Variants in PLEKHG1 observed in about 807,000 individuals in gnomAD.
PLEKHG1 encodes pleckstrin homology and RhoGEF domain containing G1.
Under a neutral mutation model 100.8 loss-of-function variants are expected in PLEKHG1, and 44 were observed. The observed-to-expected ratio is 0.44, with a 90% confidence interval of 0.34 to 0.56. The LOEUF (loss-of-function observed/expected upper bound fraction) is 0.56. PLEKHG1 is among the 20% of genes least tolerant of loss of function. The pLI, the probability that PLEKHG1 is intolerant of heterozygous loss-of-function variation, is 0.01. For synonymous variants in PLEKHG1, 640 were observed against 662.5 expected, an observed-to-expected ratio of 0.97 and a Z score of 0.52; for missense variants, 1,545 against 1,720.9, an observed-to-expected ratio of 0.90 and a Z score of 1.81.
At chr6:150,722,427 C>T (rs1766695191) in intron 1 of PLEKHG1, among the ~76,000 whole-genome samples, 1 of 146,286 alleles carries the variant, frequency 6.8e-6, no homozygotes, top group African/African-American at 2.6e-5. Context: ...GATCTTGGCT[C>T]ACTGCAACCT....
At chr6:150,697,387 T>G (rs1582958927) in intron 3 of PLEKHG1, among the ~76,000 whole-genome samples, 1 of 152,296 alleles carries the variant, frequency 6.6e-6, no homozygotes, top group South Asian at 2.1e-4. Context: ...CTCTTGAAGC[T>G]TCCTTGGAAT....
chr6:150,711,778 T>C (rs1165357025), intron 3 of PLEKHG1, among the ~76,000 whole-genome samples: 1 of 152,206 alleles, frequency 6.6e-6, no homozygotes, highest in East Asian at 1.9e-4. Context: ...TCAATAAATA[T>C]TAAGTAATTG....
At chr6:150,706,244 T>G in intron 3 of PLEKHG1, among the ~76,000 whole-genome samples, 1 of 152,158 alleles carries the variant, frequency 6.6e-6, no homozygotes. Context: ...AACCCCTGAG[T>G]CTCGCCAGCG....
chr6:150,659,812 G>C (rs1010549307), intron 3 of PLEKHG1, among the ~76,000 whole-genome samples: 3 of 152,080 alleles, frequency 2.0e-5, no homozygotes, highest in African/African-American at 7.2e-5. Context: ...CTTCAAATAC[G>C]TACTTGGTTG....
At chr6:150,797,184 G>T (rs1486229128) in intron 5 of PLEKHG1, among the ~76,000 whole-genome samples, 2 of 152,120 alleles carry the variant, frequency 1.3e-5, no homozygotes, top group Non-Finnish European at 2.9e-5. Flanking sequence ...GAAGAAGAGA[G>T]CTAGGGAGAC....
chr6:150,635,667 C>G (rs919499270), intron 1 of PLEKHG1, among the ~76,000 whole-genome samples: 1 of 152,062 alleles, frequency 6.6e-6, no homozygotes, highest in Admixed American at 6.5e-5. Flanking sequence ...TTCTTAGTTG[C>G]TAGACTCTGG....
intron 15 of PLEKHG1, among the ~76,000 whole-genome samples, chr6:150,838,575 A>G (rs1777352766): frequency 6.6e-6 from 1 of 152,126 alleles, no homozygotes; most frequent in South Asian, 2.1e-4. Context: ...TGGATTGGGG[A>G]GGGTGGCAGA....
chr6:150,816,075 G>A (rs369050277), intron 10 of PLEKHG1, among the ~76,000 whole-genome samples: 4 of 152,234 alleles, frequency 2.6e-5, no homozygotes, highest in East Asian at 3.9e-4. Context: ...TGGGAGCCCT[G>A]AGCTTGTTCT....
intron 4 of PLEKHG1, among the ~76,000 whole-genome samples, chr6:150,793,486 G>A (rs1786113550): frequency 6.6e-6 from 1 of 152,108 alleles, no homozygotes; most frequent in Admixed American, 6.6e-5. Flanking sequence ...CATAGAAGGA[G>A]GTTCTTTTTT....
chr6:150,725,098 A>G (rs1781895060), intron 1 of PLEKHG1, among the ~76,000 whole-genome samples: 1 of 152,166 alleles, frequency 6.6e-6, no homozygotes, highest in Admixed American at 6.5e-5. Context: ...ACAGTTCCAG[A>G]GAGTGGGAAG....
intron 3 of PLEKHG1, among the ~76,000 whole-genome samples, chr6:150,693,049 CTG>C (rs1780402912): frequency 6.6e-6 from 1 of 152,130 alleles, no homozygotes; most frequent in African/African-American, 2.4e-5. Context: ...CCTCAGGGAA[CTG>C]TTCCTGCGGT....
intron 3 of PLEKHG1, among the ~76,000 whole-genome samples, chr6:150,714,464 T>C (rs184988969): frequency 1.0e-3 from 155 of 152,328 alleles, no homozygotes; most frequent in Middle Eastern, 6.8e-3. Context: ...TCTCAGTTCA[T>C]GTCATGGCCG....
At chr6:150,768,452 C>T (rs1784549149) in intron 2 of PLEKHG1, among the ~76,000 whole-genome samples, 186 bp from the exon 4 acceptor site, 1 of 152,222 alleles carries the variant, frequency 6.6e-6, no homozygotes, top group South Asian at 2.1e-4. Flanking sequence ...TTTCCTAAAA[C>T]TCTTCGTTCT....
chr6:150,603,094 T>G lies in PLEKHG1; in HGVS notation c.-204+3077T>G, dbSNP rs56000885. 1.9e-4 allele frequency among the ~76,000 whole-genome samples: 23 copies of G among 118,196 alleles called. 2 individuals carry two copies. The South Asian group carries it at 3.8e-3, about 19-fold the overall frequency. 77.5% of individuals were successfully genotyped at this position (118,196 alleles called of 152,430 possible). Reference sequence around the variant, plus strand: ...GACTCCGTCTCAAAAAAAAAAAAAATAAAAAAAAAGAAAAGAAAAAATTAT... The same window carrying G: ...GACTCCGTCTCAAAAAAAAAAAAAAGAAAAAAAAAGAAAAGAAAAAATTAT... On this transcript the variant is annotated intron_variant, in intron 1 of 3. Coordinates refer to the PLEKHG1 transcript ENST00000367326.
intron 3 of PLEKHG1, among the ~76,000 whole-genome samples, chr6:150,652,543 A>T (rs1778792522): frequency 6.6e-6 from 1 of 152,046 alleles, no homozygotes. Context: ...CAACATAGTG[A>T]AACCCCGTCG....
chr6:150,665,668 T>TAAAAA (rs1229416156), intron 3 of PLEKHG1, among the ~76,000 whole-genome samples: 1 of 134,492 alleles, frequency 7.4e-6, no homozygotes, highest in Non-Finnish European at 1.6e-5. Context: ...AATAAAAATA[T>TAAAAA]TAATATGAAG....
chr6:150,776,511 G>A (rs13199556), intron 3 of PLEKHG1, among the ~76,000 whole-genome samples: 1 of 130,884 alleles, frequency 7.6e-6, no homozygotes, highest in Non-Finnish European at 1.5e-5. Context: ...CAGCCACACT[G>A]ATGCAATCCT....
intron 15 of PLEKHG1, among the ~76,000 whole-genome samples, chr6:150,836,450 C>A (rs9478833): frequency 0.074 from 11,242 of 151,986 alleles, 1,404 homozygotes; most frequent in African/African-American, 0.26. Flanking sequence ...GTTATTGAGA[C>A]CACTTTCTGT....
chr6:150,836,542 C>T lies in PLEKHG1; in HGVS notation c.3095-3291C>T, dbSNP rs560555506. ...CCAGACCAAAAGCTCAGAGGCCAGGCGAGGTGGCTCACACGTGTAATCCTA... is the reference window on the plus strand; with the variant it reads ...CCAGACCAAAAGCTCAGAGGCCAGGTGAGGTGGCTCACACGTGTAATCCTA... On this transcript the variant is annotated intron_variant, in intron 15 of 15. Coordinates refer to ENST00000358517, the Ensembl canonical transcript of PLEKHG1. 3.3e-5 allele frequency among the ~76,000 whole-genome samples: 5 copies of T among 151,988 alleles called. No individual in the cohort carries two copies. In the East Asian group the frequency reaches 5.8e-4, roughly 18 times the overall value.
Sources: allele counts gnomAD v4.1 joint callset (sites outside exome capture counted in the v4.1 genomes callset), GRCh38; gene constraint gnomAD v4.1.1; transcripts MANE v1.5; gene names NCBI Gene and HGNC (gene_info 2026-07-23, HGNC 2026-07-21).